SGCD: variants seen among roughly 807,000 people sequenced by gnomAD.
The protein encoded by SGCD is delta-sarcoglycan.
In SGCD, 18 loss-of-function variants were observed where a neutral mutation model predicts 36.6. The ratio of observed to expected loss-of-function variants is 0.49; its 90% CI spans 0.34 to 0.73. The LOEUF (loss-of-function observed/expected upper bound fraction) is 0.73, where lower values mean the gene tolerates loss of function less well. SGCD is among the 30% of genes least tolerant of loss of function. SGCD has a pLI of 0.01. For synonymous variants in SGCD, 133 were observed against 130.6 expected (o/e 1.02, Z -0.12); for missense variants, 387 against 346.7 (o/e 1.12, Z -0.92).
At chr5:155,743,743 C>A in the SGCD span, among the ~76,000 whole-genome samples, 1 of 152,178 alleles carries the variant, frequency 6.6e-6, no homozygotes, top group African/African-American at 2.4e-5. Flanking sequence ...TAAAATAAAA[C>A]AAACCTTGAA....
At chr5:155,929,290 C>T (rs1269282416) in intron 1 of SGCD, among the ~76,000 whole-genome samples, 1 of 152,196 alleles carries the variant, frequency 6.6e-6, no homozygotes, top group Non-Finnish European at 1.5e-5. Flanking sequence ...TACATACTTG[C>T]TCAGCGGTTT....
chr5:156,190,301 T>G (rs1463684577), intron 3 of SGCD, among the ~76,000 whole-genome samples: 2 of 152,146 alleles, frequency 1.3e-5, no homozygotes, highest in Admixed American at 1.3e-4. Flanking sequence ...ACTAAATATT[T>G]GCTAAATAAT....
At chr5:156,292,362 C>T (rs1766780871) in intron 3 of SGCD, among the ~76,000 whole-genome samples, 2 of 152,208 alleles carry the variant, frequency 1.3e-5, no homozygotes, top group Non-Finnish European at 1.5e-5. Context: ...CAAGTGGGAT[C>T]TTACGTATTT....
At chr5:156,134,568 G>T (rs970621884) in intron 3 of SGCD, among the ~76,000 whole-genome samples, 2 of 151,848 alleles carry the variant, frequency 1.3e-5, no homozygotes, top group Non-Finnish European at 2.9e-5. Context: ...AACAAATCTC[G>T]AAAACCCCTC....
intron 3 of SGCD, among the ~76,000 whole-genome samples, chr5:156,211,381 G>A (rs1764437442): frequency 6.6e-6 from 1 of 152,106 alleles, no homozygotes; most frequent in Admixed American, 6.5e-5. Flanking sequence ...GCCGAGGGGG[G>A]CGGATCACGT....
intron 3 of SGCD, among the ~76,000 whole-genome samples, chr5:156,179,537 G>A (rs1356827368): frequency 6.6e-6 from 1 of 151,602 alleles, no homozygotes; most frequent in Non-Finnish European, 1.5e-5. Flanking sequence ...AGCTTTCAAT[G>A]CATATTCACA....
the SGCD span, among the ~76,000 whole-genome samples, chr5:155,844,296 G>T: frequency 8.5e-5 from 13 of 152,084 alleles, no homozygotes; most frequent in East Asian, 2.3e-3. Context: ...AACTTATATT[G>T]TGTTATATTT....
chr5:156,133,560 CT>C (rs1310834913), intron 3 of SGCD, among the ~76,000 whole-genome samples: 2 of 152,128 alleles, frequency 1.3e-5, no homozygotes, highest in Admixed American at 6.5e-5. Flanking sequence ...GCATTGGGCC[CT>C]TAAAATGCAT....
intron 3 of SGCD, among the ~76,000 whole-genome samples, chr5:156,227,758 C>T: frequency 6.6e-6 from 1 of 152,088 alleles, no homozygotes; most frequent in Non-Finnish European, 1.5e-5. Context: ...CCCTTTCAGA[C>T]TTTTCGATGT....
At chr5:156,131,899 C>A (rs28481816) in intron 3 of SGCD, among the ~76,000 whole-genome samples, 10,876 of 152,142 alleles carry the variant, frequency 0.071, 882 homozygotes, top group African/African-American at 0.17. Flanking sequence ...GTATTACTGT[C>A]GTATTATTTT....
the SGCD span, among the ~76,000 whole-genome samples, chr5:155,820,814 C>T: frequency 6.6e-6 from 1 of 151,976 alleles, no homozygotes; most frequent in Non-Finnish European, 1.5e-5. Context: ...TCCAAGTGAC[C>T]ATCACCAGAG....
intron 2 of SGCD, among the ~76,000 whole-genome samples, chr5:156,120,327 C>G (rs144172327): frequency 2.4e-4 from 37 of 152,204 alleles, no homozygotes; most frequent in African/African-American, 8.2e-4. Context: ...AGAATTGTCT[C>G]TCTCTATCAA....
chr5:156,365,159 A>T (rs2127734416), intron 3 of SGCD, among the ~76,000 whole-genome samples: 1 of 152,352 alleles, frequency 6.6e-6, no homozygotes, highest in South Asian at 2.1e-4. Context: ...ACATACAAAG[A>T]TGCTAGAAAT....
At chr5:156,107,252 A>G (rs538901920) in intron 1 of SGCD, among the ~76,000 whole-genome samples, 2 of 152,246 alleles carry the variant, frequency 1.3e-5, no homozygotes, top group Non-Finnish European at 2.9e-5. Context: ...GAGCCCATCA[A>G]TTTACCTTGG....
At chr5:156,469,608 T>G (rs991542795) in intron 3 of SGCD, among the ~76,000 whole-genome samples, 1 of 152,236 alleles carries the variant, frequency 6.6e-6, no homozygotes, top group Non-Finnish European at 1.5e-5. Flanking sequence ...ATACAATAGC[T>G]AATACGCATT....
At chr5:156,286,389 G>A (rs551769214) in intron 3 of SGCD, among the ~76,000 whole-genome samples, 1 of 152,238 alleles carries the variant, frequency 6.6e-6, no homozygotes, top group African/African-American at 2.4e-5. Context: ...GTTTATTGTG[G>A]CACTATTCAC....
the SGCD span, among the ~76,000 whole-genome samples, chr5:155,760,151 C>A: frequency 6.6e-6 from 1 of 151,676 alleles, no homozygotes; most frequent in African/African-American, 2.4e-5. Flanking sequence ...CCCTCTCTAT[C>A]ATCCTCACCA....
At chr5:156,557,878 G>C (rs1759093311) in intron 4 of SGCD, among the ~76,000 whole-genome samples, 1 of 151,442 alleles carries the variant, frequency 6.6e-6, no homozygotes, top group Admixed American at 6.6e-5. Flanking sequence ...AATTACCTCT[G>C]TGCCTTTTAT....
chr5:156,392,963 G>T (rs1046877039), intron 3 of SGCD, among the ~76,000 whole-genome samples: 1 of 152,102 alleles, frequency 6.6e-6, no homozygotes, highest in Non-Finnish European at 1.5e-5. Context: ...ACAGGATGGG[G>T]GCGTGGCGGG....
Sources: gnomAD v4.1 joint callset for allele counts (sites outside exome capture counted in the v4.1 genomes callset) on GRCh38, gnomAD v4.1.1 for gene constraint, MANE v1.5 for transcripts, NCBI Gene and HGNC (gene_info 2026-07-23, HGNC 2026-07-21) for gene names.